Variants in IGSF5 observed in about 807,000 individuals in gnomAD.
The protein encoded by IGSF5 is immunoglobulin superfamily 5 like.
Under a neutral mutation model 39.4 loss-of-function variants are expected in IGSF5, and 41 were observed. The ratio of observed to expected loss-of-function variants is 1.04; its 90% CI spans 0.81 to 1.35. The LOEUF is 1.35. IGSF5 is among the 40% of genes most tolerant of loss of function. The pLI is 0.00. For synonymous variants in IGSF5, 183 were observed against 175.3 expected, an observed-to-expected ratio of 1.04 and a Z score of -0.34; for missense variants, 487 against 494.6, an observed-to-expected ratio of 0.98 and a Z score of 0.15.
intron 3 of IGSF5, among the ~76,000 whole-genome samples, chr21:39,766,660 G>T (rs1569252162): frequency 6.6e-6 from 1 of 152,122 alleles, no homozygotes; most frequent in African/African-American, 2.4e-5. Flanking sequence ...AGGTGCTGAA[G>T]ATAATGTTAC....
intron 5 of IGSF5, among the ~76,000 whole-genome samples, chr21:39,783,180 A>G (rs2080180411): frequency 6.6e-6 from 1 of 152,178 alleles, no homozygotes; most frequent in South Asian, 2.1e-4. Flanking sequence ...TGCTGCAATA[A>G]ATGTGGGGGT....
chr21:39,786,279 T>C (rs1384219276), intron 5 of IGSF5, among the ~76,000 whole-genome samples: 2 of 151,578 alleles, frequency 1.3e-5, no homozygotes, highest in Admixed American at 1.3e-4. Flanking sequence ...CAAACAACCC[T>C]ATCAAAAAGT....
At chr21:39,775,464 G>A (rs956247673) in intron 4 of IGSF5, among the ~76,000 whole-genome samples, 1 of 152,184 alleles carries the variant, frequency 6.6e-6, no homozygotes, top group Admixed American at 6.5e-5. Flanking sequence ...GCACGTGTTG[G>A]TGGTGACATT....
chr21:39,714,600 G>A, the IGSF5 span, among the ~76,000 whole-genome samples: 9 of 152,216 alleles, frequency 5.9e-5, no homozygotes, highest in African/African-American at 2.2e-4. Context: ...ATCTACTCCA[G>A]GCTCTCCCAC....
At chr21:39,761,849 G>A (rs2080063221) in intron 2 of IGSF5, among the ~76,000 whole-genome samples, 1 of 152,012 alleles carries the variant, frequency 6.6e-6, no homozygotes. Context: ...TAATTTTTTT[G>A]TAGAGATGGG....
At position 39,779,224 on chromosome 21, in the gene IGSF5, A is replaced by G. The variant is rs1018090835; in HGVS notation, c.853A>G (p.Ile285Val). 3.7e-6 allele frequency: 6 copies of G among 1,613,562 alleles called. No homozygotes were observed. The highest frequency in any genetic ancestry group is 5.1e-6 in the Non-Finnish European group (6 of 1,179,528). The change falls in exon 5 of 9, where the codon ATA (isoleucine) becomes GTA (valine). Residue 285 changes from isoleucine to valine, a missense_variant. By Grantham distance (29) the Ile-to-Val change is conservative. Transcript: ENST00000380588. ...TCTGACGCCGACGTGTACTCTTACA[A>G]TACGCTGCTGCTGCTGCCGCCGTCG... ...MLLTPTCTLTIRCCCCRRRCC... is the reference protein window; with the variant it reads ...MLLTPTCTLTVRCCCCRRRCC...
In IGSF5 at chr21:39,764,267, A is replaced by G. The variant is rs370471666; in HGVS notation, c.101-1268A>G. On this transcript the variant is annotated intron_variant, in intron 2 of 8. Coordinates refer to ENST00000380588, the MANE Select transcript of IGSF5 (RefSeq NM_001080444.2). ...TGCCTGGGTACACAGGTGAAGTGCTAATGTGCTACTGTGTGTCCAACGGTG... is the reference window on the plus strand; with the variant it reads ...TGCCTGGGTACACAGGTGAAGTGCTGATGTGCTACTGTGTGTCCAACGGTG... 5.1e-4 allele frequency among the ~76,000 whole-genome samples: 78 copies of G among 152,226 alleles called. 1 individual carries two copies. The South Asian group carries it at 0.014, about 27-fold the overall frequency.
the IGSF5 span, among the ~76,000 whole-genome samples, chr21:39,727,214 A>C: frequency 6.6e-6 from 1 of 152,206 alleles, no homozygotes; most frequent in Non-Finnish European, 1.5e-5. Flanking sequence ...AGGACTAGAG[A>C]TCCTGGTTCC....
chr21:39,774,229 G>A (rs945044147), intron 4 of IGSF5, among the ~76,000 whole-genome samples: 1 of 152,208 alleles, frequency 6.6e-6, no homozygotes, highest in African/African-American at 2.4e-5. Flanking sequence ...TGCAGCCTTG[G>A]TTGGCGGAGC....
chr21:39,757,054 C>A (rs2080034384), intron 2 of IGSF5, among the ~76,000 whole-genome samples: 1 of 150,882 alleles, frequency 6.6e-6, no homozygotes, highest in Admixed American at 6.6e-5. Context: ...CCCCCGAGAG[C>A]CTTAGTACCT....
In IGSF5 at chr21:39,788,269, C is replaced by T. The variant is rs147888602; in HGVS notation, c.956+81C>T. 51 of 1,006,110 alleles carry T rather than the reference C, an allele frequency of 5.1e-5. No homozygotes were observed. In the African/African-American group the frequency reaches 7.3e-4, roughly 14 times the overall value. 62.3% of individuals were successfully genotyped at this position (1,006,110 alleles called of 1,614,324 possible). A position where few individuals can be genotyped will look rare whatever the true frequency, so the allele number is the denominator to read the frequency against. ...AACAATAATAACAACAATACGTACA[C>T]ACAACTGCGGGATTTTTGGATTTAT... is the stretch of plus-strand genomic sequence containing the variant. On this transcript the variant is annotated intron_variant, in intron 6 of 8. Coordinates refer to ENST00000380588, the MANE Select transcript of IGSF5 (RefSeq NM_001080444.2).
chr21:39,745,358 C>T lies in IGSF5; in HGVS notation c.-152C>T, dbSNP rs936262771. 1.7e-5 allele frequency: 10 copies of T among 575,108 alleles called. No homozygotes were observed. The highest frequency in any genetic ancestry group is 3.1e-5 in the Non-Finnish European group (10 of 318,600). The allele number at this position is 575,108 out of a possible 1,614,324, so 35.6% of individuals were successfully genotyped here. On this transcript the variant is annotated 5_prime_UTR_variant, in exon 1 of 9. Transcript: ENST00000380588. Reference sequence around the variant, plus strand: ...TGCCTGAGGACGCAGCGTAGGGCTTCCTTAGATCCCTTTGGAGATACAACC... The same window carrying T: ...TGCCTGAGGACGCAGCGTAGGGCTTTCTTAGATCCCTTTGGAGATACAACC...
chr21:39,782,847 T>C (rs933265001), intron 5 of IGSF5, among the ~76,000 whole-genome samples: 2 of 152,196 alleles, frequency 1.3e-5, no homozygotes, highest in Non-Finnish European at 2.9e-5. Context: ...CGTAACTTTG[T>C]GTTCATTAAC....
At chr21:39,747,605 A>C (rs1287812448) in intron 2 of IGSF5, among the ~76,000 whole-genome samples, 3 of 152,276 alleles carry the variant, frequency 2.0e-5, no homozygotes, top group African/African-American at 7.2e-5. Context: ...TATTTACACA[A>C]GGAAACCCAC....
chr21:39,793,701 G>A (rs532201725), intron 8 of IGSF5, 88 bp downstream of exon 8: 87 of 1,048,760 alleles, frequency 8.3e-5, no homozygotes, highest in African/African-American at 3.3e-4. Context: ...AATGGTGCGC[G>A]TTGTGTATTC....
At chr21:39,749,243 C>A (rs143650690) in intron 2 of IGSF5, among the ~76,000 whole-genome samples, 14,433 of 148,476 alleles carry the variant, frequency 0.097, 2,290 homozygotes, top group African/African-American at 0.34. Context: ...AACAGAATCT[C>A]GCCATGTCAC....
the IGSF5 span, among the ~76,000 whole-genome samples, chr21:39,723,868 C>T: frequency 1.3e-5 from 2 of 152,040 alleles, no homozygotes; most frequent in Non-Finnish European, 2.9e-5. Context: ...ACCTTTGGGC[C>T]TGGCATGGTG....
chr21:39,712,658 T>C, the IGSF5 span, among the ~76,000 whole-genome samples: 1 of 152,076 alleles, frequency 6.6e-6, no homozygotes, highest in Non-Finnish European at 1.5e-5. Context: ...GCTTCGTTCA[T>C]GGGTTCATTG....
At chr21:39,726,836 A>G in the IGSF5 span, among the ~76,000 whole-genome samples, 1 of 152,154 alleles carries the variant, frequency 6.6e-6, no homozygotes, top group Non-Finnish European at 1.5e-5. Flanking sequence ...GCCCAAACCA[A>G]GGACCCATTT....
Sources: allele counts gnomAD v4.1 joint callset (sites outside exome capture counted in the v4.1 genomes callset), GRCh38; gene constraint gnomAD v4.1.1; transcripts MANE v1.5; gene names NCBI Gene and HGNC (gene_info 2026-07-23, HGNC 2026-07-21).